Variants in KCNC2 observed in about 807,000 individuals in gnomAD.
KCNC2 encodes the protein voltage-gated potassium channel KCNC2.
In KCNC2, 21 loss-of-function variants were observed where a neutral mutation model predicts 44.5. That is an observed-to-expected ratio of 0.47 (90% CI 0.33 to 0.68). The LOEUF is 0.68. Among genes scored for constraint, KCNC2 ranks in the 30% least tolerant of loss-of-function variants. The pLI is 0.01. For synonymous variants in KCNC2, 391 were observed against 339.1 expected (o/e 1.15, Z -1.68); for missense variants, 589 against 826.2 (o/e 0.71, Z 3.52).
At chr12:75,086,971 T>G (rs2137111672) in intron 2 of KCNC2, among the ~76,000 whole-genome samples, 1 of 152,066 alleles carries the variant, frequency 6.6e-6, no homozygotes, top group East Asian at 1.9e-4. Context: ...CAACAAAAAA[T>G]AAATCATCAA....
intron 2 of KCNC2, among the ~76,000 whole-genome samples, chr12:75,185,266 T>G (rs1892860871): frequency 6.6e-6 from 1 of 152,122 alleles, no homozygotes; most frequent in Non-Finnish European, 1.5e-5. Context: ...ATTGATAAGT[T>G]TCAGTTATTA....
chr12:75,071,755 G>C (rs148172537), intron 2 of KCNC2, among the ~76,000 whole-genome samples: 2 of 151,854 alleles, frequency 1.3e-5, no homozygotes, highest in African/African-American at 4.8e-5. Flanking sequence ...TTTGAGACCA[G>C]CCTGACCAAC....
chr12:75,088,071 C>T (rs1358243754), intron 2 of KCNC2, among the ~76,000 whole-genome samples: 1 of 151,874 alleles, frequency 6.6e-6, no homozygotes, highest in Non-Finnish European at 1.5e-5. Context: ...GTCTATGAAA[C>T]TCATTAGCTA....
chr12:75,042,486 G>GA lies in KCNC2; in HGVS notation c.*618dup. 2.8e-6 allele frequency: 4 copies of GA among 1,446,300 alleles called. No individual in the cohort carries two copies. Among genetic ancestry groups the GA allele is most frequent in the Middle Eastern group, 1.9e-4 (1 of 5,182 alleles). 89.6% of individuals were successfully genotyped at this position (1,446,300 alleles called of 1,614,324 possible). ...AACATATATTTCTTTCAAATAATAA[G>GA]AAAAAAATGTCAAGGAGAAAAGTGC... is the stretch of plus-strand genomic sequence containing the variant. On this transcript the variant is annotated 3_prime_UTR_variant, in exon 5 of 5. Transcript: ENST00000549446.
Position 75,207,190 on chromosome 12 carries a change from C to A in KCNC2, c.687+107G>T. On this transcript the variant is annotated intron_variant, in intron 2 of 4. Coordinates refer to ENST00000549446, the MANE Select transcript of KCNC2 (RefSeq NM_139137.4). This position sits in a 1 kb window ranked among gnomAD's most constrained non-coding sequence, Gnocchi z 4.1. The stretch of plus-strand genomic sequence containing the variant: ...ACTGTATCGCTAGGAAATCCCGGGT[C>A]TCTTCTACCCCCCATGCCTGAGGCC... The A allele has an allele frequency of 6.9e-7, 1 of 1,456,092 alleles. No homozygotes were observed. The highest frequency in any genetic ancestry group is 9.1e-7 in the Non-Finnish European group (1 of 1,104,542). The allele number at this position is 1,456,092 out of a possible 1,614,324, so 90.2% of individuals were successfully genotyped here.
intron 2 of KCNC2, among the ~76,000 whole-genome samples, chr12:75,157,031 T>A (rs972644629): frequency 6.6e-5 from 10 of 151,866 alleles, no homozygotes; most frequent in Non-Finnish European, 1.0e-4. Context: ...AGTACTGCTC[T>A]GGTATCCCTC....
At position 75,050,486 on chromosome 12, in the gene KCNC2, T is replaced by A. The variant is rs1335669559; in HGVS notation, c.1519A>T (p.Thr507Ser). Residue 507 changes from threonine (T) to serine (S), a missense_variant, in exon 3 of 5, where the codon ACT becomes TCT. Thr to Ser is a moderately conservative substitution (Grantham distance 58). Transcript: ENST00000549446. Reference sequence around the variant, plus strand: ...ATATTTAATTCTGTCTTGCAAAAAGTAGGTGAGCTTGCCTGAGGAGCAGGA... The same window carrying A: ...ATATTTAATTCTGTCTTGCAAAAAGAAGGTGAGCTTGCCTGAGGAGCAGGA... The part of the protein sequence containing the change: ...IPPAPQASSP[T>S]FCKTELNMAC... 1 of 1,613,686 alleles carries A rather than the reference T, an allele frequency of 6.2e-7. No homozygotes were observed. The highest frequency in any genetic ancestry group is 1.1e-5 in the South Asian group (1 of 91,080).
Position 75,041,089 on chromosome 12 carries a change from T to C in KCNC2, c.*2016A>G. 6.3e-7 allele frequency: 1 copy of C among 1,594,886 alleles called. No homozygotes were observed. Among genetic ancestry groups the C allele is most frequent in the African/African-American group, 1.3e-5 (1 of 74,880 alleles). The stretch of plus-strand genomic sequence containing the variant: ...GCGAGGATCTCTTCCAAGTGCAACC[T>C]GGTCACATCAGGGCACATTCAGCAG... On this transcript the variant is annotated 3_prime_UTR_variant, in exon 5 of 5. Transcript: ENST00000549446.
chr12:75,208,011 A>G lies in KCNC2; in HGVS notation c.-19-9T>C, dbSNP rs751517132. 20 of 1,608,524 alleles carry G rather than the reference A, an allele frequency of 1.2e-5. No individual in the cohort carries two copies. Among genetic ancestry groups the G allele is most frequent in the Non-Finnish European group, 1.7e-6 (2 of 1,178,578 alleles). On this transcript the variant is annotated splice_polypyrimidine_tract_variant and intron_variant, in intron 1 of 4. Coordinates refer to ENST00000549446, the MANE Select transcript of KCNC2 (RefSeq NM_139137.4). ...CTGTGACTCAGACATGACTAGGGGG[A>G]GGCAAACACAGCGCCGAGTTAAAGA... is the stretch of plus-strand genomic sequence containing the variant.
rs150094215 is a variant in KCNC2 at position 75,071,110 on chromosome 12, A to T, written c.688-19793T>A. 5.4e-3 allele frequency among the ~76,000 whole-genome samples: 825 copies of T among 152,198 alleles called. 5 individuals carry two copies. The highest frequency in any genetic ancestry group is 0.019 in the African/African-American group (773 of 41,536). On this transcript the variant is annotated intron_variant, in intron 2 of 4. Transcript: ENST00000549446. Reference sequence around the variant, plus strand: ...CCATTTGCTATATGTGTAATTCTGGACAATTTACTTGGTCTATTTGTGTCC... The same window carrying T: ...CCATTTGCTATATGTGTAATTCTGGTCAATTTACTTGGTCTATTTGTGTCC...
At chr12:75,069,662 A>G (rs2137027886) in intron 2 of KCNC2, among the ~76,000 whole-genome samples, 1 of 152,284 alleles carries the variant, frequency 6.6e-6, no homozygotes, top group South Asian at 2.1e-4. Context: ...AGAAGGAAAG[A>G]AAGTCCTTTA....
intron 1 of KCNC2, 123 bp from the exon 2 acceptor site, chr12:75,208,125 G>T: frequency 8.9e-7 from 1 of 1,118,864 alleles, no homozygotes; most frequent in Non-Finnish European, 1.3e-6. Context: ...ACGGGGCAAA[G>T]ACCCTCCCCG....
intron 2 of KCNC2, among the ~76,000 whole-genome samples, chr12:75,156,992 G>A (rs933139157): frequency 1.1e-4 from 16 of 151,802 alleles, no homozygotes; most frequent in African/African-American, 3.9e-4. Flanking sequence ...AATATTTAGA[G>A]ACCCCACCAT....
At position 75,192,240 on chromosome 12, in the gene KCNC2, A is replaced by G. The variant is rs1203311243; in HGVS notation, c.687+15057T>C. The stretch of plus-strand genomic sequence containing the variant: ...TGTCTAATTTCCTTGCTGCCGCAAC[A>G]TCCATTCTTCAGCATCTTTTCCTAG... On this transcript the variant is annotated intron_variant, in intron 2 of 4. Transcript: ENST00000549446. Among the ~76,000 whole-genome samples the G allele has an allele frequency of 2.0e-5, 3 of 152,198 alleles. No homozygotes were observed. The East Asian group carries it at 5.8e-4, about 29-fold the overall frequency.
intron 2 of KCNC2, among the ~76,000 whole-genome samples, chr12:75,081,858 T>A (rs1378753282): frequency 6.6e-6 from 1 of 152,034 alleles, no homozygotes; most frequent in African/African-American, 2.4e-5. Context: ...TACAACTGAT[T>A]GTTACCTAGA....
At chr12:75,113,667 C>G (rs753475240) in intron 2 of KCNC2, among the ~76,000 whole-genome samples, 1 of 152,118 alleles carries the variant, frequency 6.6e-6, no homozygotes, top group Non-Finnish European at 1.5e-5. Context: ...ACATGGGCTG[C>G]CCACTATAAG....
At chr12:75,108,313 A>T (rs1403311661) in intron 2 of KCNC2, among the ~76,000 whole-genome samples, 1 of 152,170 alleles carries the variant, frequency 6.6e-6, no homozygotes, top group Non-Finnish European at 1.5e-5. Flanking sequence ...ACACACAGAA[A>T]ATAGGAGAAA....
At chr12:75,205,867 A>C (rs1322875101) in intron 2 of KCNC2, among the ~76,000 whole-genome samples, 3 of 145,128 alleles carry the variant, frequency 2.1e-5, no homozygotes, top group African/African-American at 5.1e-5. Flanking sequence ...CTGAATGCCA[A>C]CTCTGTTGTT....
chr12:75,045,387 T>C (rs1244793192), intron 4 of KCNC2, among the ~76,000 whole-genome samples: 4 of 152,002 alleles, frequency 2.6e-5, no homozygotes, highest in Non-Finnish European at 5.9e-5. Flanking sequence ...GGTCCTATAT[T>C]TCTAATGACT....
Sources: gnomAD v4.1 joint callset for allele counts (sites outside exome capture counted in the v4.1 genomes callset) on GRCh38, gnomAD v4.1.1 for gene constraint, Gnocchi (gnomAD v3.1) non-coding constraint, MANE v1.5 for transcripts, NCBI Gene and HGNC (gene_info 2026-07-23, HGNC 2026-07-21) for gene names.